The following MYOM2 variants were observed in gnomAD, a reference collection of about 807,000 sequenced individuals.
MYOM2 encodes myomesin 2, also known as myomesin-2.
Under a neutral mutation model 187.6 loss-of-function variants are expected in MYOM2, and 254 were observed. That is an observed-to-expected ratio of 1.35 (90% CI 1.22 to 1.50). The LOEUF (loss-of-function observed/expected upper bound fraction) is 1.50, where lower values mean the gene tolerates loss of function less well. Among genes scored for constraint, MYOM2 ranks in the 40% most tolerant of loss-of-function variants. MYOM2 has a pLI of 0.00. For synonymous variants in MYOM2, 981 were observed against 753.8 expected (o/e 1.30, Z -4.94); for missense variants, 2,796 against 1,924.0 (o/e 1.45, Z -8.48).
chr8:2,056,566 TTTATTA>T (rs1267325072), intron 3 of MYOM2, among the ~76,000 whole-genome samples: 1 of 152,182 alleles, frequency 6.6e-6, no homozygotes, highest in East Asian at 1.9e-4. Flanking sequence ...TAATCCTTTA[TTTATTA>T]TTATTATTTT....
Position 2,078,717 on chromosome 8 carries a change from C to G in MYOM2, c.1263-17C>G. 6.2e-7 allele frequency: 1 copy of G among 1,613,268 alleles called. No individual in the cohort carries two copies. Among genetic ancestry groups the G allele is most frequent in the South Asian group, 1.1e-5 (1 of 91,056 alleles). On this transcript the variant is annotated splice_polypyrimidine_tract_variant and intron_variant, in intron 11 of 36. Coordinates refer to ENST00000262113, the MANE Select transcript of MYOM2 (RefSeq NM_003970.4). The stretch of plus-strand genomic sequence containing the variant: ...ACATTTGCTATTCTCTGTTGTTTTT[C>G]TTTTTTTAACTTGAAGATGTGAAGT...
chr8:2,056,432 G>C (rs1251290387), intron 3 of MYOM2, among the ~76,000 whole-genome samples: 1 of 152,160 alleles, frequency 6.6e-6, no homozygotes, highest in Non-Finnish European at 1.5e-5. Context: ...GAGCATCTCA[G>C]AGCATGGAGG....
chr8:2,098,610 G>C (rs1160556196), intron 18 of MYOM2, among the ~76,000 whole-genome samples: 1 of 152,190 alleles, frequency 6.6e-6, no homozygotes, highest in Non-Finnish European at 1.5e-5. Flanking sequence ...GCAGGAGTGG[G>C]ATTGAGTGAA....
chr8:2,144,712 A>G lies in MYOM2; in HGVS notation c.4129A>G (p.Ile1377Val), dbSNP rs1585988636. The stretch of plus-strand genomic sequence containing the variant: ...GTTTGGAAACCCTGACCCCGAAGTG[A>G]TTTGGTTCAAGAACGACCAGGACAT... ...TVFGNPDPEV[I>V]WFKNDQDIQL... The change falls in exon 37 of 37, where the codon ATT (isoleucine) becomes GTT (valine). Residue 1377 changes from isoleucine to valine, a missense_variant. Physicochemically the swap from Ile to Val is conservative, Grantham distance 29. Coordinates refer to ENST00000262113, the MANE Select transcript of MYOM2 (RefSeq NM_003970.4). The G allele has an allele frequency of 6.2e-7, 1 of 1,613,588 alleles. No individual in the cohort carries two copies. Among genetic ancestry groups the G allele is most frequent in the South Asian group, 1.1e-5 (1 of 91,048 alleles).
At chr8:2,100,104 CCTTCTT>C (rs1796643657) in intron 19 of MYOM2, among the ~76,000 whole-genome samples, 1 of 102,038 alleles carries the variant, frequency 9.8e-6, no homozygotes, top group East Asian at 3.8e-4. Context: ...TTCCTTCCTT[CCTTCTT>C]TCTTTCCTTC....
At chr8:2,093,921 A>AG in intron 16 of MYOM2, 49 bp from the exon 17 acceptor site, 1 of 1,592,022 alleles carries the variant, frequency 6.3e-7, no homozygotes, top group Non-Finnish European at 8.6e-7. Flanking sequence ...GCTGCAGGAG[A>AG]GAAAAAGTGG....
At chr8:2,095,765 C>T (rs938102497) in intron 17 of MYOM2, among the ~76,000 whole-genome samples, 10 of 152,152 alleles carry the variant, frequency 6.6e-5, no homozygotes, top group African/African-American at 1.7e-4. Flanking sequence ...CAGGGAAACA[C>T]GGATTCACAC....
At chr8:2,143,480 G>A in intron 36 of MYOM2, 24 bp downstream of exon 36, 2 of 1,614,108 alleles carry the variant, frequency 1.2e-6, no homozygotes, top group Non-Finnish European at 1.7e-6. Flanking sequence ...ACTCGGCCGG[G>A]GTGGGGGTGT....
At position 2,144,867 on chromosome 8, in the gene MYOM2, G is replaced by T; in HGVS notation, c.4284G>T (p.Lys1428Asn). The change falls in exon 37 of 37, where the codon AAG (lysine) becomes AAT (asparagine). Residue 1428 changes from lysine (K) to asparagine (N), a missense_variant. Transcript: ENST00000262113. ...TCAAGAATAAGTATGGCGGGGAGAAGATCGACGTGACAGTGAGCGTGTACA... is the reference window on the plus strand; with the variant it reads ...TCAAGAATAAGTATGGCGGGGAGAATATCGACGTGACAGTGAGCGTGTACA... Reference protein sequence around the residue: ...INIKNKYGGEKIDVTVSVYKH... With the variant: ...INIKNKYGGENIDVTVSVYKH... 6.2e-7 allele frequency: 1 copy of T among 1,614,118 alleles called. No homozygotes were observed. Among genetic ancestry groups the T allele is most frequent in the Non-Finnish European group, 8.5e-7 (1 of 1,180,028 alleles).
intron 35 of MYOM2, among the ~76,000 whole-genome samples, chr8:2,142,997 C>T (rs1370721658): frequency 6.6e-6 from 1 of 152,024 alleles, no homozygotes; most frequent in African/African-American, 2.4e-5. Context: ...CTCAGATGAT[C>T]TGCCCGCCTT....
At position 2,098,963 on chromosome 8, in the gene MYOM2, C is replaced by G; in HGVS notation, c.2420C>G (p.Ala807Gly). 6.2e-7 allele frequency: 1 copy of G among 1,611,032 alleles called. No individual in the cohort carries two copies. The highest frequency in any genetic ancestry group is 8.5e-7 in the Non-Finnish European group (1 of 1,178,074). ...SDPSEHFKCE[A>G]WTMPEPGPAY... Reference sequence around the variant, plus strand: ...CCCAGTGAGCACTTCAAGTGTGAGGCCTGGACCATGCCGGAGCCCGGTGAG... The same window carrying G: ...CCCAGTGAGCACTTCAAGTGTGAGGGCTGGACCATGCCGGAGCCCGGTGAG... The change falls in exon 19 of 37, where the codon GCC becomes GGC. Residue 807 changes from alanine (A) to glycine (G), a missense_variant. Ala to Gly is a moderately conservative substitution (Grantham distance 60). Coordinates refer to ENST00000262113, the MANE Select transcript of MYOM2 (RefSeq NM_003970.4).
intron 33 of MYOM2, 75 bp downstream of exon 33, chr8:2,140,961 A>G: frequency 6.9e-7 from 1 of 1,453,694 alleles, no homozygotes; most frequent in Non-Finnish European, 9.3e-7. Flanking sequence ...GAGGGAATAC[A>G]ATATGAATAC....
At chr8:2,048,750 T>G (rs114299321) in intron 1 of MYOM2, among the ~76,000 whole-genome samples, 499 of 151,732 alleles carry the variant, frequency 3.3e-3, no homozygotes, top group East Asian at 0.026. Flanking sequence ...GGAGGAGATA[T>G]GCTTTTATTT....
At chr8:2,052,748 A>G (rs1178569287) in intron 3 of MYOM2, among the ~76,000 whole-genome samples, 1 of 152,096 alleles carries the variant, frequency 6.6e-6, no homozygotes, top group Non-Finnish European at 1.5e-5. Context: ...TCCACTTGCA[A>G]CCTCTGTAGC....
In MYOM2 at chr8:2,116,026, G is replaced by C; in HGVS notation, c.3247G>C (p.Glu1083Gln). ...IEMVMDRFSIENEGTYTVQIH... is the reference protein window; with the variant it reads ...IEMVMDRFSIQNEGTYTVQIH... ...GATGGTGATGGATCGATTTAGTATT[G>C]AAAATGAGGGGACCTACACTGTGCA... The change falls in exon 26 of 37, where the codon GAA becomes CAA. Residue 1083 changes from glutamate (E) to glutamine (Q), a missense_variant. Physicochemically the swap from Glu to Gln is conservative, Grantham distance 29. Transcript: ENST00000262113. The C allele has an allele frequency of 1.2e-6, 2 of 1,614,086 alleles. No individual in the cohort carries two copies. The highest frequency in any genetic ancestry group is 1.7e-6 in the Non-Finnish European group (2 of 1,180,016).
rs973363080 is a variant in MYOM2, at chr8:2,094,202, T to C, written c.2125+111T>C. ...ATGTCATTGAAGGGGAAAAGGGGAC[T>C]AAATTCCTGAACAGAGAACTTGAGT... On this transcript the variant is annotated intron_variant, in intron 17 of 36. Transcript: ENST00000262113. 1.9e-5 allele frequency: 26 copies of C among 1,382,564 alleles called. No homozygotes were observed. The Admixed American group carries it at 4.5e-4, about 24-fold the overall frequency. 85.6% of individuals were successfully genotyped at this position (1,382,564 alleles called of 1,614,324 possible).
In MYOM2 at chr8:2,103,840, T is replaced by A. The variant is rs151256256; in HGVS notation, c.2734+1059T>A. Among the ~76,000 whole-genome samples the A allele has an allele frequency of 3.2e-3, 493 of 152,116 alleles. 2 individuals carry two copies. The highest frequency in any genetic ancestry group is 0.011 in the African/African-American group (448 of 41,460). On this transcript the variant is annotated intron_variant, in intron 21 of 36. Coordinates refer to ENST00000262113, the MANE Select transcript of MYOM2 (RefSeq NM_003970.4). Reference sequence around the variant, plus strand: ...TGAGTGGGAGAGTGTGCATATATTATGTGTATATGTGTATGTATGTACAGG... The same window carrying A: ...TGAGTGGGAGAGTGTGCATATATTAAGTGTATATGTGTATGTATGTACAGG...
intron 10 of MYOM2, 134 bp downstream of exon 10, chr8:2,073,634 C>G: frequency 9.2e-7 from 1 of 1,092,380 alleles, no homozygotes; most frequent in East Asian, 2.7e-5. Context: ...AGACCCCATG[C>G]GGCCCCGATT....
At position 2,108,836 on chromosome 8, in the gene MYOM2, T is replaced by C. The variant is rs200985590; in HGVS notation, c.3043+6T>C. 2.1e-4 allele frequency: 335 copies of C among 1,613,876 alleles called. No homozygotes were observed. The East Asian group carries it at 3.4e-3, about 16-fold the overall frequency. On this transcript the variant is annotated splice_donor_region_variant and intron_variant, in intron 24 of 36. Transcript: ENST00000262113. The stretch of plus-strand genomic sequence containing the variant: ...CAATGAAATAAAGAACCCCAGTAAG[T>C]AAGCCTCCAGCCCTTCCCCTCTGCT...
Sources: allele counts gnomAD v4.1 joint callset (sites outside exome capture counted in the v4.1 genomes callset), GRCh38; gene constraint gnomAD v4.1.1; transcripts MANE v1.5; gene names NCBI Gene and HGNC (gene_info 2026-07-23, HGNC 2026-07-21).